TCP11L1: variants seen among roughly 807,000 people sequenced by gnomAD.
TCP11L1 encodes the protein t-complex 11 like 1.
A neutral mutation model predicts 48.9 loss-of-function variants in TCP11L1; 28 were observed. That is an observed-to-expected ratio of 0.57 (90% CI 0.42 to 0.78). The LOEUF is 0.78. Among genes scored for constraint, TCP11L1 ranks in the 30% least tolerant of loss-of-function variants. The pLI is 0.00. For synonymous variants in TCP11L1, 204 were observed against 231.9 expected (o/e 0.88, Z 1.09); for missense variants, 505 against 613.4 (o/e 0.82, Z 1.87).
intron 8 of TCP11L1, among the ~76,000 whole-genome samples, chr11:33,068,251 A>G (rs1242739351): frequency 1.3e-5 from 2 of 152,220 alleles, no homozygotes; most frequent in Non-Finnish European, 2.9e-5. Flanking sequence ...TAGTTAATAC[A>G]TGTGTATGTT....
intron 9 of TCP11L1, 80 bp from the exon 10 acceptor site, chr11:33,072,394 G>A: frequency 6.7e-7 from 1 of 1,486,540 alleles, no homozygotes; most frequent in Non-Finnish European, 9.4e-7. Flanking sequence ...AGAGGTGATG[G>A]TTAAGCTAAG....
At chr11:33,062,099 A>G (rs1854484841) in intron 7 of TCP11L1, among the ~76,000 whole-genome samples, 1 of 152,116 alleles carries the variant, frequency 6.6e-6, no homozygotes. Flanking sequence ...AAAATAAATA[A>G]GTAAATAAAT....
intron 7 of TCP11L1, among the ~76,000 whole-genome samples, chr11:33,065,562 C>T (rs924138738): frequency 1.3e-5 from 2 of 152,168 alleles, no homozygotes; most frequent in South Asian, 2.1e-4. Context: ...CGCGGCCAGC[C>T]GGGGAGGTCA....
chr11:33,041,946 G>GT (rs1251461682), intron 1 of TCP11L1, among the ~76,000 whole-genome samples: 1 of 152,120 alleles, frequency 6.6e-6, no homozygotes, highest in Non-Finnish European at 1.5e-5. Context: ...CCTTCCATGT[G>GT]TGTAAGAAAG....
chr11:33,056,824 A>G (rs527622761), intron 3 of TCP11L1: 2 of 314,210 alleles, frequency 6.4e-6, no homozygotes, highest in South Asian at 9.1e-5. Context: ...AACAGCTTTG[A>G]ACTTTCCAAT....
chr11:33,057,330 A>C, intron 4 of TCP11L1, 95 bp downstream of exon 4: 6 of 1,558,708 alleles, frequency 3.8e-6, no homozygotes, highest in Non-Finnish European at 5.2e-6. Flanking sequence ...AAGAAATTGA[A>C]GGATCAAGAA....
chr11:33,054,792 C>G, intron 3 of TCP11L1, 67 bp downstream of exon 3: 6 of 1,536,548 alleles, frequency 3.9e-6, no homozygotes, highest in East Asian at 2.4e-5. Flanking sequence ...AAAATGTTTC[C>G]TTCAGTTGAT....
intron 7 of TCP11L1, among the ~76,000 whole-genome samples, chr11:33,063,429 C>T (rs1032194222): frequency 3.3e-5 from 5 of 152,280 alleles, no homozygotes; most frequent in South Asian, 2.1e-4. Context: ...CATCATTTTA[C>T]CATCCCACCA....
intron 9 of TCP11L1, among the ~76,000 whole-genome samples, chr11:33,070,245 C>CA (rs2133750709): frequency 6.6e-6 from 1 of 152,134 alleles, no homozygotes; most frequent in African/African-American, 2.4e-5. Flanking sequence ...TTCACCACTG[C>CA]ACTCCAGCCT....
chr11:33,058,200 T>C, intron 5 of TCP11L1, 61 bp downstream of exon 5: 2 of 1,419,582 alleles, frequency 1.4e-6, no homozygotes, highest in African/African-American at 1.4e-5. Flanking sequence ...TTCTTTTTTT[T>C]CTTTTCTTTT....
chr11:33,046,662 C>T (rs11032115), intron 2 of TCP11L1, among the ~76,000 whole-genome samples: 20,207 of 152,142 alleles, frequency 0.13, 1,554 homozygotes, highest in Middle Eastern at 0.22. Context: ...TAGGTAGGTA[C>T]AGGGCTATAA....
At chr11:33,069,595 TTTTG>T (rs1188272216) in intron 9 of TCP11L1, among the ~76,000 whole-genome samples, 2 of 152,020 alleles carry the variant, frequency 1.3e-5, no homozygotes, top group African/African-American at 2.4e-5. Context: ...GAATACATAG[TTTTG>T]TTTGTTTGTT....
chr11:33,070,308 A>T (rs192627662), intron 9 of TCP11L1, among the ~76,000 whole-genome samples: 6 of 151,630 alleles, frequency 4.0e-5, no homozygotes, highest in Middle Eastern at 3.4e-3. Context: ...GAAAAGAAAA[A>T]CCAGTCTTTG....
intron 9 of TCP11L1, among the ~76,000 whole-genome samples, chr11:33,070,847 C>T (rs1387858349): frequency 1.3e-5 from 2 of 151,326 alleles, no homozygotes; most frequent in East Asian, 2.0e-4. Flanking sequence ...ACAAAAAATA[C>T]AAAAATTTCC....
chr11:33,064,517 C>T (rs2133738332), intron 7 of TCP11L1, among the ~76,000 whole-genome samples: 1 of 152,284 alleles, frequency 6.6e-6, no homozygotes, highest in South Asian at 2.1e-4. Flanking sequence ...CTTCCCTCAG[C>T]CACACGGGTG....
At chr11:33,072,392 T>C (rs1340030429) in intron 9 of TCP11L1, 82 bp from the exon 10 acceptor site, 1 of 1,454,092 alleles carries the variant, frequency 6.9e-7, no homozygotes, top group Non-Finnish European at 9.6e-7. Flanking sequence ...TAAGAGGTGA[T>C]GGTTAAGCTA....
chr11:33,065,705 C>T, intron 7 of TCP11L1, 125 bp from the exon 8 acceptor site: 1 of 1,073,480 alleles, frequency 9.3e-7, no homozygotes, highest in Non-Finnish European at 1.4e-6. Flanking sequence ...TCCCTCAAAG[C>T]TCTGACACAC....
chr11:33,061,079 C>T (rs1000486041), intron 6 of TCP11L1, among the ~76,000 whole-genome samples: 3 of 152,190 alleles, frequency 2.0e-5, no homozygotes, highest in African/African-American at 4.8e-5. Context: ...CCTCAGCCTC[C>T]CAGCTAGCTG....
At chr11:33,055,071 C>T (rs1470530399) in intron 3 of TCP11L1, among the ~76,000 whole-genome samples, 1 of 152,172 alleles carries the variant, frequency 6.6e-6, no homozygotes, top group Non-Finnish European at 1.5e-5. Flanking sequence ...TGGCACTTAA[C>T]CATTTTTTTA....
Sources: allele counts gnomAD v4.1 joint callset (sites outside exome capture counted in the v4.1 genomes callset), GRCh38; gene constraint gnomAD v4.1.1; transcripts MANE v1.5; gene names NCBI Gene and HGNC (gene_info 2026-07-23, HGNC 2026-07-21).